Variants in CHN2 observed in about 807,000 individuals in gnomAD.
CHN2 encodes beta-chimaerin.
In CHN2, 35 loss-of-function variants were observed where a neutral mutation model predicts 56.3. That is an observed-to-expected ratio of 0.62 (90% confidence interval 0.47 to 0.82). The LOEUF (loss-of-function observed/expected upper bound fraction) is 0.82, where lower values mean the gene tolerates loss of function less well. Ranked by LOEUF, CHN2 falls within the 40% of genes least tolerant of loss-of-function variation. The pLI is 0.00. For synonymous variants in CHN2, 210 were observed against 212.8 expected, an observed-to-expected ratio of 0.99 and a Z score of 0.12; for missense variants, 491 against 580.5, an observed-to-expected ratio of 0.85 and a Z score of 1.58.
intron 6 of CHN2, chr7:29,401,051 G>C: frequency 1.9e-6 from 1 of 535,844 alleles, no homozygotes; most frequent in Non-Finnish European, 3.3e-6. Context: ...GGTGGATCAC[G>C]AGGTCAGGAG....
intron 9 of CHN2, among the ~76,000 whole-genome samples, chr7:29,500,824 C>A (rs917027103): frequency 2.0e-5 from 3 of 152,106 alleles, no homozygotes; most frequent in African/African-American, 7.2e-5. Context: ...TTTAAAAGAT[C>A]TATGCAATGA....
chr7:29,149,664 G>A (rs185024455), intron 2 of CHN2, among the ~76,000 whole-genome samples: 14 of 152,280 alleles, frequency 9.2e-5, no homozygotes, highest in African/African-American at 3.1e-4. Context: ...TGAAATTAAA[G>A]TGCCAGCAGG....
At chr7:29,292,163 G>C (rs1388425220) in intron 1 of CHN2, among the ~76,000 whole-genome samples, 1 of 152,176 alleles carries the variant, frequency 6.6e-6, no homozygotes, top group African/African-American at 2.4e-5. Flanking sequence ...AGGATGGAGC[G>C]AGAGACGGGC....
intron 2 of CHN2, among the ~76,000 whole-genome samples, chr7:29,149,099 A>C (rs1050904826): frequency 6.6e-5 from 10 of 151,768 alleles, no homozygotes; most frequent in African/African-American, 2.2e-4. Context: ...AGGTTAGAAA[A>C]TTAGACTGGA....
In CHN2 at chr7:29,484,998, T is replaced by C. The variant is rs572230438; in HGVS notation, c.654+4642T>C. 2.6e-5 allele frequency among the ~76,000 whole-genome samples: 4 copies of C among 152,332 alleles called. No individual in the cohort carries two copies. In the South Asian group the frequency reaches 6.2e-4, roughly 24 times the overall value. ...GAAAAGTTTTCATGGATTTTTCTTA[T>C]CAGTGCTTCATTGCTCTGATAGAAA... On this transcript the variant is annotated intron_variant, in intron 7 of 12. Transcript: ENST00000222792.
At chr7:29,412,305 G>A (rs532200673) in intron 6 of CHN2, among the ~76,000 whole-genome samples, 138 of 145,882 alleles carry the variant, frequency 9.5e-4, no homozygotes, top group African/African-American at 3.1e-3. Context: ...AGATTAAGGC[G>A]CTCTGCTAAA....
Position 29,423,860 on chromosome 7 carries a change from G to A in CHN2, c.576+23032G>A, listed in dbSNP as rs559975966. Among the ~76,000 whole-genome samples the A allele has an allele frequency of 7.0e-4, 107 of 152,266 alleles. 2 individuals are homozygous for A. The highest frequency in any genetic ancestry group is 2.5e-3 in the African/African-American group (105 of 41,552). ...TATCCTGGTCGCAGGCTGGTTTGTA[G>A]TCCATGCCCCATTTGTAGCTGCATC... is the stretch of plus-strand genomic sequence containing the variant. On this transcript the variant is annotated intron_variant, in intron 6 of 12. Coordinates refer to ENST00000222792, the MANE Select transcript of CHN2 (RefSeq NM_004067.4).
intron 2 of CHN2, among the ~76,000 whole-genome samples, chr7:29,182,635 GT>G (rs1212496434): frequency 2.0e-5 from 3 of 152,020 alleles, no homozygotes; most frequent in Non-Finnish European, 4.4e-5. Context: ...ACACAATTAC[GT>G]ACACTCATGT....
rs55733409 is a variant in CHN2 at position 29,295,085 on chromosome 7, T to A, written c.50-59540T>A. 6.4e-3 allele frequency among the ~76,000 whole-genome samples: 969 copies of A among 152,302 alleles called. 8 individuals carry two copies. The highest frequency in any genetic ancestry group is 7.3e-3 in the Non-Finnish European group (494 of 68,030). On this transcript the variant is annotated intron_variant, in intron 1 of 12. Coordinates refer to ENST00000222792, the MANE Select transcript of CHN2 (RefSeq NM_004067.4). ...TACCTACACACATTTTCCCATAAAC[T>A]GTAAATCATCTCTAGACTACTTATA...
intron 6 of CHN2, among the ~76,000 whole-genome samples, chr7:29,412,434 T>C (rs1183168391): frequency 6.9e-6 from 1 of 144,598 alleles, no homozygotes; most frequent in Non-Finnish European, 1.5e-5. Context: ...CGGGTTCAAG[T>C]GATTCTTCTA....
chr7:29,443,909 C>T (rs890665483), intron 6 of CHN2, among the ~76,000 whole-genome samples: 5 of 152,110 alleles, frequency 3.3e-5, no homozygotes, highest in African/African-American at 1.2e-4. Flanking sequence ...CTTGTTAGAA[C>T]AAGAATTCAG....
At chr7:29,271,594 G>A (rs898764604) in intron 1 of CHN2, among the ~76,000 whole-genome samples, 2 of 152,154 alleles carry the variant, frequency 1.3e-5, no homozygotes, top group Non-Finnish European at 2.9e-5. Flanking sequence ...TTGCTGTTCA[G>A]GTTGAAAATT....
intron 2 of CHN2, among the ~76,000 whole-genome samples, chr7:29,177,325 C>T (rs765439250): frequency 4.6e-5 from 7 of 151,904 alleles, no homozygotes; most frequent in Non-Finnish European, 8.8e-5. Flanking sequence ...GCTATCTCTG[C>T]TCACTGCAAC....
chr7:29,425,640 C>G (rs1562597040), intron 6 of CHN2, among the ~76,000 whole-genome samples: 1 of 152,066 alleles, frequency 6.6e-6, no homozygotes, highest in African/African-American at 2.4e-5. Context: ...GGTAGGTGTT[C>G]TGACTTTTCC....
intron 6 of CHN2, among the ~76,000 whole-genome samples, chr7:29,413,312 G>A (rs538894334): frequency 8.1e-4 from 123 of 152,334 alleles, no homozygotes; most frequent in Non-Finnish European, 1.4e-3. Context: ...TCATTTGCAA[G>A]AGACACTTTA....
intron 2 of CHN2, among the ~76,000 whole-genome samples, chr7:29,360,311 T>A (rs1291150004): frequency 6.6e-6 from 1 of 152,074 alleles, no homozygotes; most frequent in African/African-American, 2.4e-5. Context: ...CACCTGCGGT[T>A]GGGAGTTCGA....
intron 9 of CHN2, among the ~76,000 whole-genome samples, chr7:29,501,606 T>A (rs1365346191): frequency 6.6e-6 from 1 of 152,080 alleles, no homozygotes; most frequent in African/African-American, 2.4e-5. Context: ...AAGAGCGAGA[T>A]AGAGTAGCAC....
At chr7:29,231,610 GA>G (rs983631493) in intron 1 of CHN2, among the ~76,000 whole-genome samples, 5 of 151,950 alleles carry the variant, frequency 3.3e-5, no homozygotes, top group Non-Finnish European at 5.9e-5. Context: ...GTGGAAATAT[GA>G]AAAAAAAGTT....
chr7:29,379,796 TA>T (rs1189820256), intron 3 of CHN2, among the ~76,000 whole-genome samples: 1 of 152,194 alleles, frequency 6.6e-6, no homozygotes, highest in Non-Finnish European at 1.5e-5. Context: ...TCGAAAACAC[TA>T]TAAGCCATGC....
Sources: gnomAD v4.1 joint callset for allele counts (sites outside exome capture counted in the v4.1 genomes callset) on GRCh38, gnomAD v4.1.1 for gene constraint, MANE v1.5 for transcripts, NCBI Gene and HGNC (gene_info 2026-07-23, HGNC 2026-07-21) for gene names.